Variants in COPG1 observed in about 807,000 individuals in gnomAD.
The protein encoded by COPG1 is coat protein complex I subunit gamma 1, also known as coatomer subunit gamma-1.
A neutral mutation model predicts 102.8 loss-of-function variants in COPG1; 29 were observed. The observed-to-expected ratio is 0.28, with a 90% CI of 0.21 to 0.38. COPG1 has a LOEUF of 0.38. Among genes scored for constraint, COPG1 ranks in the 10% least tolerant of loss-of-function variants. COPG1 has a pLI of 1.00. For synonymous variants in COPG1, 406 were observed against 421.6 expected (o/e 0.96, Z 0.45); for missense variants, 875 against 1,132.7 (o/e 0.77, Z 3.27).
chr3:129,274,728 C>A, intron 21 of COPG1, 110 bp from the exon 22 acceptor site: 1 of 1,288,662 alleles, frequency 7.8e-7, no homozygotes, highest in Non-Finnish European at 1.1e-6. Flanking sequence ...GTCCTCAGTG[C>A]CGAGCAAGCA....
chr3:129,251,371 TTA>T (rs58203832), intron 2 of COPG1, among the ~76,000 whole-genome samples: 16,751 of 146,608 alleles, frequency 0.11, 1,064 homozygotes, highest in Middle Eastern at 0.22. Context: ...TATATATTTT[TTA>T]TATATATATA....
chr3:129,254,142 C>G (rs534346747), intron 5 of COPG1, among the ~76,000 whole-genome samples: 3 of 151,972 alleles, frequency 2.0e-5, no homozygotes, highest in South Asian at 4.1e-4. Context: ...ACTAAAAATA[C>G]AAAAATTAGC....
intron 18 of COPG1, among the ~76,000 whole-genome samples, chr3:129,270,874 T>A (rs931932192): frequency 3.3e-5 from 5 of 152,226 alleles, no homozygotes; most frequent in African/African-American, 9.7e-5. Flanking sequence ...AATATCAGTA[T>A]ATATTGGAAT....
rs754755601 is a variant in COPG1 at position 129,265,621 on chromosome 3, G to A, written c.1297G>A (p.Glu433Lys). ...CATTGAAGAGAACTCAGAGAGCAAG[G>A]AGACAGGGCTGTCACATCTGTGCGA... is the stretch of plus-strand genomic sequence containing the variant. The part of the protein sequence containing the change: ...SIIEENSESK[E>K]TGLSHLCEFI... Residue 433 changes from glutamate (E) to lysine (K), a missense_variant, in exon 14 of 24, where the codon GAG becomes AAG. Transcript: ENST00000314797. 1 of 1,614,070 alleles carries A rather than the reference G, an allele frequency of 6.2e-7. No homozygotes were observed.
chr3:129,272,865 T>G lies in COPG1; in HGVS notation c.2217T>G (p.Thr739=), dbSNP rs1349026013. 3.7e-6 allele frequency: 6 copies of G among 1,612,678 alleles called. No homozygotes were observed. The highest frequency in any genetic ancestry group is 5.1e-6 in the Non-Finnish European group (6 of 1,178,934). Residue 739 remains threonine (T), a synonymous_variant, in exon 21 of 24, where the codon ACT becomes ACG. Transcript: ENST00000314797. ...KFTVKDCDPT[T]GETDDEGYED... ...CTGTCAAGGACTGTGATCCCACCACTGGGGAGACTGATGACGAAGGCTATG... is the reference window on the plus strand; with the variant it reads ...CTGTCAAGGACTGTGATCCCACCACGGGGGAGACTGATGACGAAGGCTATG...
chr3:129,275,301 C>A lies in COPG1; in HGVS notation c.2494+9C>A. 1.2e-6 allele frequency: 2 copies of A among 1,612,882 alleles called. No homozygotes were observed. Among genetic ancestry groups the A allele is most frequent in the South Asian group, 1.1e-5 (1 of 91,028 alleles). On this transcript the variant is annotated intron_variant, in intron 23 of 23. Coordinates refer to ENST00000314797, the MANE Select transcript of COPG1 (RefSeq NM_016128.4). The surrounding 1 kb of genome is among the most constrained non-coding windows in gnomAD (Gnocchi z 5.0). ...CACGTTGCTCCTGGCTGGTAAGTGG[C>A]ATTTCTAGATGGGGAGGGCCTGGAT...
Position 129,257,819 on chromosome 3 carries a change from T to C in COPG1, c.830T>C (p.Leu277Pro), listed in dbSNP as rs760787011. ...VYEAASAIVN[L>P]PGCSAKELAP... Reference sequence around the variant, plus strand: ...GAAGCCGCCTCGGCCATCGTCAATCTGCCAGGCTGCAGTGCCAAAGAGCTG... The same window carrying C: ...GAAGCCGCCTCGGCCATCGTCAATCCGCCAGGCTGCAGTGCCAAAGAGCTG... The change falls in exon 10 of 24, where the codon CTG (leucine) becomes CCG (proline). Residue 277 changes from leucine to proline, a missense_variant. Physicochemically the swap from Leu to Pro is moderately conservative, Grantham distance 98. Transcript: ENST00000314797. The C allele has an allele frequency of 2.5e-6, 4 of 1,614,054 alleles. No individual in the cohort carries two copies. In the Admixed American group the frequency reaches 6.7e-5, roughly 27 times the overall value.
chr3:129,267,144 G>T, intron 15 of COPG1, 45 bp downstream of exon 15: 1 of 1,449,182 alleles, frequency 6.9e-7, no homozygotes, highest in South Asian at 1.2e-5. Flanking sequence ...TGTTCCCTTG[G>T]ACCCAAGCAG....
At chr3:129,272,190 CA>C (rs749169517) in intron 19 of COPG1, 53 bp from the exon 20 acceptor site, 7 of 1,521,036 alleles carry the variant, frequency 4.6e-6, no homozygotes, top group Non-Finnish European at 4.5e-6. Context: ...TTTTCCTCTG[CA>C]GCATGGCTCG....
At chr3:129,269,138 C>A in intron 18 of COPG1, 138 bp downstream of exon 18, 1 of 719,000 alleles carries the variant, frequency 1.4e-6, no homozygotes, top group Non-Finnish European at 2.4e-6. Flanking sequence ...CACATTTGAC[C>A]CTCAGGTGGT....
rs1939905388 is a variant in COPG1 at position 129,260,477 on chromosome 3, G to A, written c.939+77G>A. ...GTGTCCTAGCCTCTGACCTGGCTGG[G>A]AAGGATAATAGCCCTGGTCACAGTT... On this transcript the variant is annotated intron_variant, in intron 11 of 23. Transcript: ENST00000314797. 6 of 1,537,664 alleles carry A rather than the reference G, an allele frequency of 3.9e-6. No individual in the cohort carries two copies. The Admixed American group carries it at 8.5e-5, about 22-fold the overall frequency.
At position 129,257,632 on chromosome 3, in the gene COPG1, C is replaced by T. The variant is rs200319190; in HGVS notation, c.737+5C>T. 33 of 1,614,190 alleles carry T rather than the reference C, an allele frequency of 2.0e-5. 1 individual carries two copies. Among genetic ancestry groups the T allele is most frequent in the Middle Eastern group, 1.6e-4 (1 of 6,062 alleles). The stretch of plus-strand genomic sequence containing the variant: ...GCTGGAAGAGGAGGATGGCAGGTAA[C>T]GGCTCTCATCTCTCACCAGCTAGAT... On this transcript the variant is annotated splice_donor_5th_base_variant and intron_variant, in intron 9 of 23. Transcript: ENST00000314797.
chr3:129,261,816 A>G (rs372817370), intron 12 of COPG1, among the ~76,000 whole-genome samples: 7 of 152,322 alleles, frequency 4.6e-5, no homozygotes, highest in African/African-American at 1.7e-4. Flanking sequence ...ACACTCAACT[A>G]TCCATCTCCA....
chr3:129,260,839 C>T, intron 12 of COPG1, 32 bp downstream of exon 12: 1 of 1,604,434 alleles, frequency 6.2e-7, no homozygotes, highest in Non-Finnish European at 8.5e-7. Context: ...CCCACGGCCC[C>T]CAGAGGAAGG....
At chr3:129,276,720 T>G (rs1940275324) in intron 23 of COPG1, among the ~76,000 whole-genome samples, 2 of 152,208 alleles carry the variant, frequency 1.3e-5, no homozygotes. Flanking sequence ...AAGCCTTTTA[T>G]GTCCATCAGT....
chr3:129,269,084 T>G, intron 18 of COPG1, 84 bp downstream of exon 18: 1 of 1,227,194 alleles, frequency 8.1e-7, no homozygotes, highest in Admixed American at 1.7e-5. Flanking sequence ...CATATATTGG[T>G]CTCTCCTGAG....
chr3:129,260,566 T>C, intron 11 of COPG1, 53 bp from the exon 12 acceptor site: 1 of 1,586,060 alleles, frequency 6.3e-7, no homozygotes, highest in Non-Finnish European at 8.6e-7. Context: ...AACCATCAAA[T>C]GTAGTGACAG....
intron 10 of COPG1, 194 bp from the exon 11 acceptor site, chr3:129,260,139 T>G: frequency 1.7e-6 from 1 of 605,124 alleles, no homozygotes; most frequent in Non-Finnish European, 3.0e-6. Context: ...AACCCCTGGG[T>G]GCTCACAGAC....
At chr3:129,268,392 A>G (rs1213558396) in intron 16 of COPG1, 103 bp from the exon 17 acceptor site, 1 of 1,168,482 alleles carries the variant, frequency 8.6e-7, no homozygotes, top group African/African-American at 1.5e-5. Flanking sequence ...TCAGGGTCAT[A>G]CTACTTAGGA....
Sources: allele counts gnomAD v4.1 joint callset (sites outside exome capture counted in the v4.1 genomes callset), GRCh38; gene constraint gnomAD v4.1.1; non-coding constraint Gnocchi (gnomAD v3.1); transcripts MANE v1.5; gene names NCBI Gene and HGNC (gene_info 2026-07-23, HGNC 2026-07-21).